Variants in DNAI4 observed in about 807,000 individuals in gnomAD.
DNAI4 encodes the protein dynein axonemal intermediate chain 4.
Under a neutral mutation model 105.8 loss-of-function variants are expected in DNAI4, and 85 were observed. The observed-to-expected ratio is 0.80, with a 90% CI of 0.67 to 0.96. The LOEUF is 0.96. Ranked by LOEUF, DNAI4 falls within the 40% of genes least tolerant of loss-of-function variation. DNAI4 has a pLI of 0.00. For synonymous variants in DNAI4, 352 were observed against 331.5 expected (o/e 1.06, Z -0.67); for missense variants, 1,014 against 1,005.6 (o/e 1.01, Z -0.11).
At chr1:66,836,069 T>C (rs146533041) in intron 10 of DNAI4, among the ~76,000 whole-genome samples, 2 of 149,742 alleles carry the variant, frequency 1.3e-5, no homozygotes, top group African/African-American at 4.9e-5. Context: ...GGTGGGAGGA[T>C]CACTTGAGAC....
chr1:66,834,284 C>A, intron 11 of DNAI4, 136 bp from the exon 12 acceptor site: 1 of 613,134 alleles, frequency 1.6e-6, no homozygotes, highest in Admixed American at 4.2e-5. Context: ...CAAAAATAGA[C>A]TTTTATTTTA....
chr1:66,827,845 A>T lies in DNAI4; in HGVS notation c.2079T>A (p.Asn693Lys), dbSNP rs200505964. ...GHIHKCSCSY[N>K]EQYLDTYRGH... Reference sequence around the variant, plus strand: ...CTCTGTAGGTATCTAAGTATTGTTCATTATATGAACAAGAACATTTGTGAA... The same window carrying T: ...CTCTGTAGGTATCTAAGTATTGTTCTTTATATGAACAAGAACATTTGTGAA... The change falls in exon 14 of 17, where the codon AAT (asparagine) becomes AAA (lysine). Residue 693 changes from asparagine to lysine, a missense_variant. Asn to Lys is a moderately conservative substitution (Grantham distance 94, BLOSUM62 0). Transcript: ENST00000371026. 2.4e-4 allele frequency: 389 copies of T among 1,605,948 alleles called. 1 individual carries two copies. Among genetic ancestry groups the T allele is most frequent in the Non-Finnish European group, 2.9e-4 (344 of 1,176,210 alleles).
At chr1:66,838,442 T>G (rs1029528747) in intron 9 of DNAI4, among the ~76,000 whole-genome samples, 5 of 152,340 alleles carry the variant, frequency 3.3e-5, no homozygotes, top group Admixed American at 2.6e-4. Context: ...CCTTGGATCT[T>G]AGACTTTCCA....
At chr1:66,838,421 GA>G (rs2100461325) in intron 9 of DNAI4, among the ~76,000 whole-genome samples, 1 of 152,328 alleles carries the variant, frequency 6.6e-6, no homozygotes, top group African/African-American at 2.4e-5. Context: ...CACTGAAACT[GA>G]ATCAGCAGCC....
intron 9 of DNAI4, among the ~76,000 whole-genome samples, chr1:66,840,122 T>C (rs1303843263): frequency 6.6e-6 from 1 of 152,218 alleles, no homozygotes; most frequent in Non-Finnish European, 1.5e-5. Context: ...TTTGGGCTCA[T>C]CAGTTTTGGT....
intron 7 of DNAI4, among the ~76,000 whole-genome samples, chr1:66,854,151 T>A (rs1048842073): frequency 6.6e-6 from 1 of 152,130 alleles, no homozygotes; most frequent in African/African-American, 2.4e-5. Context: ...CAGCACTTTG[T>A]AAGGCCAAGG....
chr1:66,913,254 G>A (rs1023354450), intron 1 of DNAI4, among the ~76,000 whole-genome samples: 2 of 152,144 alleles, frequency 1.3e-5, no homozygotes, highest in African/African-American at 4.8e-5. Flanking sequence ...CAATTAGAGT[G>A]CTCAGTGATG....
intron 8 of DNAI4, among the ~76,000 whole-genome samples, chr1:66,843,199 C>CA (rs33928281): frequency 0.94 from 81,804 of 87,248 alleles, 38,378 homozygotes; most frequent in East Asian, 0.99. Context: ...GACTCTGTCT[C>CA]AAAAAAAAAA....
intron 7 of DNAI4, among the ~76,000 whole-genome samples, chr1:66,852,631 A>C (rs1646420434): frequency 6.6e-6 from 1 of 152,190 alleles, no homozygotes; most frequent in Non-Finnish European, 1.5e-5. Context: ...GATCATATCA[A>C]TCAATGCAGA....
intron 1 of DNAI4, among the ~76,000 whole-genome samples, chr1:66,907,344 C>A (rs543349331): frequency 6.6e-6 from 1 of 152,110 alleles, no homozygotes; most frequent in Non-Finnish European, 1.5e-5. Flanking sequence ...TTTTAGATTT[C>A]TCTTTTCTCT....
chr1:66,859,694 G>A (rs1474001253), intron 7 of DNAI4, among the ~76,000 whole-genome samples: 1 of 152,148 alleles, frequency 6.6e-6, no homozygotes. Flanking sequence ...AAAGGAGCCA[G>A]TCTCAGAAGG....
intron 8 of DNAI4, among the ~76,000 whole-genome samples, chr1:66,845,858 T>TGTGGG (rs1646264446): frequency 2.8e-5 from 2 of 71,934 alleles, no homozygotes; most frequent in Non-Finnish European, 2.7e-5. Context: ...GTGTGTGTGG[T>TGTGGG]GGGGGTTGGG....
chr1:66,893,951 G>C (rs968322940), intron 2 of DNAI4, among the ~76,000 whole-genome samples: 3 of 152,004 alleles, frequency 2.0e-5, no homozygotes, highest in African/African-American at 7.2e-5. Flanking sequence ...CATTACTCAC[G>C]AATTTGTGGT....
At chr1:66,818,860 C>T (rs759934366) in intron 16 of DNAI4, among the ~76,000 whole-genome samples, 5 of 152,076 alleles carry the variant, frequency 3.3e-5, no homozygotes, top group Non-Finnish European at 5.9e-5. Context: ...TTGCAGTGAG[C>T]CAAGATCGTG....
At chr1:66,819,437 A>G (rs886514287) in intron 16 of DNAI4, among the ~76,000 whole-genome samples, 1 of 151,940 alleles carries the variant, frequency 6.6e-6, no homozygotes, top group African/African-American at 2.4e-5. Context: ...GTTCTTTATG[A>G]CTTGATTATA....
intron 3 of DNAI4, among the ~76,000 whole-genome samples, chr1:66,891,601 A>C (rs1323601941): frequency 6.6e-6 from 1 of 152,190 alleles, no homozygotes; most frequent in African/African-American, 2.4e-5. Context: ...GGCTGGGATT[A>C]CAGGCTTGCG....
chr1:66,824,315 T>G (rs1240393225), intron 15 of DNAI4, among the ~76,000 whole-genome samples: 1 of 149,402 alleles, frequency 6.7e-6, no homozygotes, highest in Non-Finnish European at 1.5e-5. Context: ...TACTGTAGCC[T>G]TGTAGTATAG....
chr1:66,862,006 A>G, intron 7 of DNAI4, 141 bp downstream of exon 7: 1 of 757,044 alleles, frequency 1.3e-6, no homozygotes, highest in South Asian at 2.4e-5. Flanking sequence ...ACCATGTGAT[A>G]GAGTAATAGT....
chr1:66,916,928 G>C (rs1650114693), intron 1 of DNAI4, among the ~76,000 whole-genome samples: 2 of 151,264 alleles, frequency 1.3e-5, no homozygotes, highest in African/African-American at 2.4e-5. Flanking sequence ...TTAAATGAAT[G>C]ACTTATTTTA....
Sources: gnomAD v4.1 joint callset for allele counts (sites outside exome capture counted in the v4.1 genomes callset) on GRCh38, gnomAD v4.1.1 for gene constraint, MANE v1.5 for transcripts, NCBI Gene and HGNC (gene_info 2026-07-23, HGNC 2026-07-21) for gene names.